The following HEPH variants were observed in gnomAD, a reference collection of about 807,000 sequenced individuals.
HEPH encodes the protein hephaestin.
HEPH carries 69 observed loss-of-function variants against 80.8 expected under a neutral mutation model. The observed-to-expected ratio is 0.85, with a 90% CI of 0.70 to 1.04. The LOEUF (loss-of-function observed/expected upper bound fraction) is 1.04. Among genes scored for constraint, HEPH ranks in the 50% least tolerant of loss-of-function variants. HEPH has a pLI of 0.00. For missense variants in HEPH, 1,115 were observed against 891.3 expected, an observed-to-expected ratio of 1.25 and a Z score of -3.20; for synonymous variants, 431 against 322.8, an observed-to-expected ratio of 1.34 and a Z score of -3.60.
At chrX:66,180,231 A>AT (rs763052913) in intron 4 of HEPH, among the ~76,000 whole-genome samples, 194 of 109,820 alleles carry the variant, frequency 1.8e-3, no homozygotes, top group African/African-American at 6.0e-3. Context: ...AAGAGGTTCC[A>AT]TTTTTATGTA....
chrX:66,208,450 C>T (rs900382696), intron 15 of HEPH, among the ~76,000 whole-genome samples: 3 of 106,646 alleles, frequency 2.8e-5, no homozygotes, highest in Non-Finnish European at 5.8e-5. Flanking sequence ...GAACCCTCAT[C>T]TCTACCAAAA....
chrX:66,208,378 AGAGGCT>A (rs781716580), intron 15 of HEPH, 132 bp downstream of exon 15: 1 of 631,443 alleles, frequency 1.6e-6, no homozygotes, highest in African/African-American at 2.3e-5. Flanking sequence ...CAGCAGTTTG[AGAGGCT>A]GAGGCGGGTG....
At chrX:66,233,258 T>G (rs1037902750) in intron 15 of HEPH, among the ~76,000 whole-genome samples, 6 of 111,759 alleles carry the variant, frequency 5.4e-5, no homozygotes, top group African/African-American at 2.0e-4. Context: ...GTGAGCATGC[T>G]GCAAAATCCC....
chrX:66,263,693 G>T lies in HEPH; in HGVS notation c.3244+5G>T. ...TCACCAAAGAGACTGAAAAAGGTAC[G>T]TAAAATGATGCACAGACTGGGTACT... is the stretch of plus-strand genomic sequence containing the variant. On this transcript the variant is annotated splice_donor_5th_base_variant and intron_variant, in intron 20 of 20. Coordinates refer to ENST00000343002, the MANE Select transcript of HEPH (RefSeq NM_001367233.3). 8.3e-7 allele frequency: 1 copy of T among 1,205,092 alleles called. No individual in the cohort carries two copies. The highest frequency in any genetic ancestry group is 1.1e-6 in the Non-Finnish European group (1 of 889,947).
intron 19 of HEPH, 106 bp from the exon 20 acceptor site, chrX:66,263,538 A>G: frequency 1.2e-6 from 1 of 844,297 alleles, no homozygotes; most frequent in Admixed American, 2.3e-5. Flanking sequence ...TTGCTTACTT[A>G]ATCACAGAGA....
chrX:66,194,358 T>C (rs2087974044), intron 8 of HEPH, among the ~76,000 whole-genome samples: 1 of 111,690 alleles, frequency 9.0e-6, no homozygotes, highest in Middle Eastern at 4.6e-3. Context: ...GGAATTATCA[T>C]TGGCTGGACT....
rs374066635 is a variant in HEPH, at chrX:66,172,432, A to G, written c.245A>G (p.Lys82Arg). The change falls in exon 3 of 21, where the codon AAG (lysine) becomes AGG (arginine). Residue 82 changes from lysine to arginine, a missense_variant. Transcript: ENST00000343002. ...TYKKTIYKEY[K>R]DDSYTDEVAQ... ...AAGAAGACCATCTATAAAGAATACA[A>G]GGATGACTCATACACAGATGAAGTG... 56 of 1,207,499 alleles carry G rather than the reference A, an allele frequency of 4.6e-5. No individual in the cohort carries two copies. The highest frequency in any genetic ancestry group is 6.0e-5 in the Non-Finnish European group (54 of 893,860).
chrX:66,167,910 A>C (rs1247272574), intron 1 of HEPH, among the ~76,000 whole-genome samples: 1 of 112,184 alleles, frequency 8.9e-6, no homozygotes, highest in Non-Finnish European at 1.9e-5. Flanking sequence ...ACCAGACCCA[A>C]CTGATGGAAA....
intron 15 of HEPH, among the ~76,000 whole-genome samples, chrX:66,240,304 C>T (rs1486244938): frequency 9.0e-6 from 1 of 110,605 alleles, no homozygotes; most frequent in African/African-American, 3.3e-5. Flanking sequence ...AACTGAAACA[C>T]TAGGAAAAAG....
At chrX:66,225,920 C>T (rs1330761632) in intron 15 of HEPH, among the ~76,000 whole-genome samples, 2 of 112,196 alleles carry the variant, frequency 1.8e-5, no homozygotes, top group African/African-American at 6.5e-5. Flanking sequence ...GGAGCTTCGG[C>T]AAGACTCATG....
At chrX:66,266,311 T>C in intron 20 of HEPH, 129 bp from the exon 21 acceptor site, 4 of 475,074 alleles carry the variant, frequency 8.4e-6, no homozygotes, top group Middle Eastern at 6.9e-4. Flanking sequence ...CAGCTAGTTT[T>C]GTGAAGGATA....
intron 4 of HEPH, among the ~76,000 whole-genome samples, chrX:66,174,063 T>C (rs2086706135): frequency 9.1e-6 from 1 of 110,288 alleles, no homozygotes; most frequent in South Asian, 4.0e-4. Flanking sequence ...TTTGGTTACA[T>C]GAATAAGTTG....
chrX:66,264,559 T>C (rs2091472690), intron 20 of HEPH, among the ~76,000 whole-genome samples: 1 of 108,974 alleles, frequency 9.2e-6, no homozygotes, highest in Non-Finnish European at 1.9e-5. Context: ...CATTTGTCTC[T>C]GGACTAGGAA....
At chrX:66,169,389 G>A (rs1195193164) in intron 1 of HEPH, among the ~76,000 whole-genome samples, 2 of 111,789 alleles carry the variant, frequency 1.8e-5, no homozygotes, top group Admixed American at 9.5e-5. Flanking sequence ...GTGTGTGCAA[G>A]TTTATGTATT....
rs1435314034 is a variant in HEPH, at chrX:66,205,705, C to T, written c.2292-1490C>T. Among the ~76,000 whole-genome samples the T allele has an allele frequency of 4.6e-5, 5 of 109,706 alleles. No homozygotes were observed. The East Asian group carries it at 1.4e-3, about 31-fold the overall frequency. ...CCACCTCCCAGGTTCAAGCAATTCT[C>T]CTGCCTCAGCCTCCCAAGTAGCTGG... On this transcript the variant is annotated intron_variant, in intron 13 of 20. Coordinates refer to ENST00000343002, the MANE Select transcript of HEPH (RefSeq NM_001367233.3).
rs371736942 is a variant in HEPH, at chrX:66,250,745, T to C, written c.2564-4290T>C. The stretch of plus-strand genomic sequence containing the variant: ...TCATCTAAGTTGTTGTATGTGTCAA[T>C]AGTTTACTATTTGTTATTGCTGAGT... On this transcript the variant is annotated intron_variant, in intron 15 of 20. Coordinates refer to ENST00000343002, the MANE Select transcript of HEPH (RefSeq NM_001367233.3). 4.5e-5 allele frequency among the ~76,000 whole-genome samples: 5 copies of C among 112,359 alleles called. No individual in the cohort carries two copies. In the South Asian group the frequency reaches 1.8e-3, roughly 41 times the overall value.
intron 15 of HEPH, among the ~76,000 whole-genome samples, chrX:66,246,792 C>G (rs776317204): frequency 1.8e-4 from 20 of 111,964 alleles, no homozygotes; most frequent in Non-Finnish European, 3.0e-4. Flanking sequence ...TTGATGAATC[C>G]TGACATGGTT....
intron 7 of HEPH, among the ~76,000 whole-genome samples, chrX:66,192,725 G>A (rs1350537645): frequency 8.9e-6 from 1 of 111,768 alleles, no homozygotes; most frequent in African/African-American, 3.3e-5. Context: ...GGTATAAAAA[G>A]CACTCTGAGA....
At chrX:66,200,243 T>G (rs1169013023) in intron 11 of HEPH, among the ~76,000 whole-genome samples, 1 of 94,735 alleles carries the variant, frequency 1.1e-5, no homozygotes, top group South Asian at 4.8e-4. Flanking sequence ...GAGAGATTGG[T>G]GTGTGTGTGT....
Sources: allele counts gnomAD v4.1 joint callset (sites outside exome capture counted in the v4.1 genomes callset), GRCh38; gene constraint gnomAD v4.1.1; transcripts MANE v1.5; gene names NCBI Gene and HGNC (gene_info 2026-07-23, HGNC 2026-07-21).